Variants in PLSCR4 observed in about 807,000 individuals in gnomAD.
The protein encoded by PLSCR4 is Ca(2+)-dependent phospholipid scramblase 4.
PLSCR4 carries 25 observed loss-of-function variants against 36.3 expected under a neutral mutation model. That is an observed-to-expected ratio of 0.69 (90% CI 0.50 to 0.96). The LOEUF (loss-of-function observed/expected upper bound fraction) is 0.96. Among genes scored for constraint, PLSCR4 ranks in the 40% least tolerant of loss-of-function variants. The pLI is 0.00. For synonymous variants in PLSCR4, 122 were observed against 132.9 expected (o/e 0.92, Z 0.56); for missense variants, 408 against 414.7 (o/e 0.98, Z 0.14).
intron 1 of PLSCR4, among the ~76,000 whole-genome samples, chr3:146,246,234 T>A (rs2036334264): frequency 6.6e-6 from 1 of 152,116 alleles, no homozygotes; most frequent in Non-Finnish European, 1.5e-5. Flanking sequence ...TTGCATAAAA[T>A]CAATTCTAGA....
At chr3:146,196,014 A>C (rs2033717134) in intron 7 of PLSCR4, among the ~76,000 whole-genome samples, 1 of 152,228 alleles carries the variant, frequency 6.6e-6, no homozygotes, top group African/African-American at 2.4e-5. Context: ...TTCTTTAAGA[A>C]GCCTAGGAAA....
chr3:146,224,275 A>C (rs1341354108), intron 1 of PLSCR4, among the ~76,000 whole-genome samples: 1 of 152,202 alleles, frequency 6.6e-6, no homozygotes, highest in East Asian at 1.9e-4. Flanking sequence ...TGATACAATA[A>C]TATCCTGTAG....
At chr3:146,250,487 G>A (rs1039816502) in intron 1 of PLSCR4, 3 of 152,164 alleles carry the variant, frequency 2.0e-5, no homozygotes, top group Non-Finnish European at 2.9e-5. Flanking sequence ...AAATAAGAGA[G>A]AGGGATTCTC....
At chr3:146,209,637 C>A (rs572694472) in intron 3 of PLSCR4, among the ~76,000 whole-genome samples, 4 of 151,954 alleles carry the variant, frequency 2.6e-5, no homozygotes, top group Non-Finnish European at 5.9e-5. Context: ...TTTTGAATAA[C>A]TTTGATCATT....
rs201393506 is a variant in PLSCR4, at chr3:146,194,471, G to T, written c.946-16C>A. 2.7e-6 allele frequency: 4 copies of T among 1,507,916 alleles called. No homozygotes were observed. Among genetic ancestry groups the T allele is most frequent in the African/African-American group, 2.7e-5 (2 of 72,968 alleles). 93.4% of individuals were successfully genotyped at this position (1,507,916 alleles called of 1,614,324 possible). The stretch of plus-strand genomic sequence containing the variant: ...ACATGAAGTCCTGAAATTGGAAAAA[G>T]AATTATATGTAGATATATAGATAAT... On this transcript the variant is annotated splice_polypyrimidine_tract_variant and intron_variant, in intron 8 of 8. Coordinates refer to ENST00000354952, the MANE Select transcript of PLSCR4 (RefSeq NM_020353.3).
chr3:146,204,278 G>A (rs1370096337), intron 4 of PLSCR4, among the ~76,000 whole-genome samples: 1 of 151,792 alleles, frequency 6.6e-6, no homozygotes, highest in Non-Finnish European at 1.5e-5. Context: ...AAAAAGACTA[G>A]GGTAGATAGA....
rs764619426 is a variant in PLSCR4, at chr3:146,206,676, G to A, written c.204C>T (p.Thr68=). ...MGYYSPQQPS[T]FPLYQPVGGI... is the part of the protein sequence containing the mutation. ...CACCAACTGGCTGGTACAAAGGGAA[G>A]GTACTGGGTTGCTGTGGACTGTAGT... is the stretch of plus-strand genomic sequence containing the variant. The change falls in exon 4 of 9, where the codon ACC becomes ACT. Residue 68 remains threonine, a synonymous_variant. Coordinates refer to ENST00000354952, the MANE Select transcript of PLSCR4 (RefSeq NM_020353.3). 1.9e-6 allele frequency: 3 copies of A among 1,613,202 alleles called. No homozygotes were observed. The highest frequency in any genetic ancestry group is 2.7e-5 in the African/African-American group (2 of 74,876).
At chr3:146,229,596 TATTTATTTA>T (rs2035617233) in intron 1 of PLSCR4, among the ~76,000 whole-genome samples, 152 of 110,722 alleles carry the variant, frequency 1.4e-3, no homozygotes, top group African/African-American at 4.4e-3. Context: ...ATTTTTCATT[TATTTATTTA>T]TTTATTTATT....
intron 4 of PLSCR4, among the ~76,000 whole-genome samples, chr3:146,204,933 T>C (rs2034241848): frequency 1.3e-5 from 2 of 152,080 alleles, no homozygotes; most frequent in African/African-American, 4.8e-5. Context: ...TAATTTAGGA[T>C]AAATTTTGGC....
In PLSCR4 at chr3:146,233,179, T is replaced by C. The variant is rs1378132048; in HGVS notation, c.-21-11087A>G. On this transcript the variant is annotated intron_variant, in intron 1 of 8. Transcript: ENST00000354952. ...TTTTGCATTTATCTATATTATTTCA[T>C]TGTTCTGCTAATAATATAGATTACA... Among the ~76,000 whole-genome samples, 3 of 152,258 alleles carry C rather than the reference T, an allele frequency of 2.0e-5. No individual in the cohort carries two copies. The East Asian group carries it at 5.8e-4, about 29-fold the overall frequency.
intron 1 of PLSCR4, among the ~76,000 whole-genome samples, chr3:146,229,629 A>ATTTT (rs2035622025): frequency 7.2e-6 from 1 of 139,330 alleles, no homozygotes; most frequent in African/African-American, 2.8e-5. Flanking sequence ...TTATTTATTT[A>ATTTT]TTTATTTATT....
At chr3:146,203,170 A>T (rs956779419) in intron 4 of PLSCR4, among the ~76,000 whole-genome samples, 3 of 152,042 alleles carry the variant, frequency 2.0e-5, no homozygotes, top group African/African-American at 7.2e-5. Context: ...CTGAGAAATG[A>T]CACCATCTAT....
Position 146,244,263 on chromosome 3 carries a change from C to T in PLSCR4, c.-22+6697G>A, listed in dbSNP as rs138277437. The stretch of plus-strand genomic sequence containing the variant: ...AATATTGTATAAAATTATCTTCAGG[C>T]TATATGTTTAAAACATAATGGAACA... On this transcript the variant is annotated intron_variant, in intron 1 of 8. Coordinates refer to ENST00000354952, the MANE Select transcript of PLSCR4 (RefSeq NM_020353.3). Among the ~76,000 whole-genome samples the T allele has an allele frequency of 8.6e-3, 1,304 of 152,212 alleles. 11 individuals carry two copies. Among genetic ancestry groups the T allele is most frequent in the South Asian group, 0.021 (103 of 4,818 alleles).
chr3:146,242,894 C>T (rs2036206784), intron 1 of PLSCR4, among the ~76,000 whole-genome samples: 2 of 152,160 alleles, frequency 1.3e-5, no homozygotes, highest in South Asian at 4.1e-4. Flanking sequence ...GGTAAACACT[C>T]ATGCAACTGG....
intron 3 of PLSCR4, among the ~76,000 whole-genome samples, chr3:146,211,518 G>A (rs1419409796): frequency 1.3e-5 from 2 of 151,994 alleles, no homozygotes; most frequent in Non-Finnish European, 2.9e-5. Flanking sequence ...CTTTGATAGT[G>A]TCCTTAGATA....
At chr3:146,206,462 C>T in intron 4 of PLSCR4, 64 bp downstream of exon 4, 27 of 1,221,008 alleles carry the variant, frequency 2.2e-5, no homozygotes, top group Middle Eastern at 2.1e-4. Context: ...TGCTTTTTTT[C>T]TCTCTTTGTT....
At chr3:146,195,683 G>A (rs1055671485) in intron 7 of PLSCR4, among the ~76,000 whole-genome samples, 1 of 152,168 alleles carries the variant, frequency 6.6e-6, no homozygotes, top group East Asian at 1.9e-4. Context: ...AAGTTTTTGT[G>A]AGTGAAATTC....
intron 1 of PLSCR4, among the ~76,000 whole-genome samples, chr3:146,224,165 C>T (rs943159913): frequency 6.6e-6 from 1 of 151,912 alleles, no homozygotes; most frequent in Admixed American, 6.6e-5. Context: ...AGGATATAGA[C>T]AAGAATGTTC....
intron 1 of PLSCR4, among the ~76,000 whole-genome samples, chr3:146,250,025 A>G (rs1012444522): frequency 1.3e-5 from 2 of 152,216 alleles, no homozygotes; most frequent in African/African-American, 4.8e-5. Context: ...AGTGTTTCCT[A>G]TGGACATTAA....
Sources: allele counts gnomAD v4.1 joint callset (sites outside exome capture counted in the v4.1 genomes callset), GRCh38; gene constraint gnomAD v4.1.1; transcripts MANE v1.5; gene names NCBI Gene and HGNC (gene_info 2026-07-23, HGNC 2026-07-21).